Variants in SH2D4B observed in about 807,000 individuals in gnomAD.
SH2D4B encodes the protein SH2 domain-containing protein 4B.
SH2D4B carries 45 observed loss-of-function variants against 61.5 expected under a neutral mutation model. The observed-to-expected ratio is 0.73, with a 90% confidence interval of 0.58 to 0.94. The LOEUF is 0.94. SH2D4B is among the 40% of genes least tolerant of loss of function. SH2D4B has a pLI of 0.00. For missense variants in SH2D4B, 572 were observed against 574.2 expected, an observed-to-expected ratio of 1.00 and a Z score of 0.04; for synonymous variants, 224 against 220.4, an observed-to-expected ratio of 1.02 and a Z score of -0.14.
At chr10:80,617,952 A>C (rs777438867) in intron 6 of SH2D4B, among the ~76,000 whole-genome samples, 7 of 152,222 alleles carry the variant, frequency 4.6e-5, no homozygotes, top group Non-Finnish European at 7.3e-5. Flanking sequence ...CTTCTGGACC[A>C]GTCACTGTGG....
intron 1 of SH2D4B, among the ~76,000 whole-genome samples, chr10:80,554,136 T>G (rs1055907235): frequency 6.6e-6 from 1 of 152,218 alleles, no homozygotes; most frequent in Non-Finnish European, 1.5e-5. Context: ...AGACTGAAGT[T>G]CCAGAAGATT....
chr10:80,564,335 C>T (rs971291785), intron 1 of SH2D4B, among the ~76,000 whole-genome samples: 9 of 152,184 alleles, frequency 5.9e-5, no homozygotes, highest in African/African-American at 2.2e-4. Flanking sequence ...CACCAGAGAC[C>T]TCCATGTTGC....
At chr10:80,567,422 C>A (rs1046878825) in intron 1 of SH2D4B, among the ~76,000 whole-genome samples, 1 of 152,192 alleles carries the variant, frequency 6.6e-6, no homozygotes, top group African/African-American at 2.4e-5. Flanking sequence ...ACACTCACCA[C>A]CTCTTATAGG....
intron 6 of SH2D4B, among the ~76,000 whole-genome samples, chr10:80,615,540 A>G (rs943589500): frequency 2.0e-5 from 3 of 152,098 alleles, no homozygotes; most frequent in Non-Finnish European, 4.4e-5. Context: ...CTCATTCCTG[A>G]CCTTGGCAAT....
chr10:80,549,379 C>T (rs995868017), intron 1 of SH2D4B, among the ~76,000 whole-genome samples: 2 of 152,158 alleles, frequency 1.3e-5, no homozygotes, highest in African/African-American at 4.8e-5. Flanking sequence ...AGGTTTGTGG[C>T]CTTGACATTG....
At chr10:80,544,756 A>G (rs529998515) in intron 1 of SH2D4B, among the ~76,000 whole-genome samples, 6 of 152,220 alleles carry the variant, frequency 3.9e-5, no homozygotes, top group Non-Finnish European at 8.8e-5. Context: ...ATTCCTTCCC[A>G]CAGCAGCTGC....
intron 1 of SH2D4B, among the ~76,000 whole-genome samples, chr10:80,550,630 C>G (rs745764891): frequency 1.1e-4 from 16 of 152,036 alleles, no homozygotes; most frequent in Non-Finnish European, 1.9e-4. Flanking sequence ...ATTTTATGTC[C>G]TACTAAGAAA....
At chr10:80,641,318 C>T (rs1411637286) in intron 7 of SH2D4B, among the ~76,000 whole-genome samples, 1 of 152,222 alleles carries the variant, frequency 6.6e-6, no homozygotes, top group Non-Finnish European at 1.5e-5. Context: ...AGAACCACTG[C>T]TCTCTTCAGA....
At chr10:80,605,918 A>G (rs371833924) in intron 5 of SH2D4B, among the ~76,000 whole-genome samples, 106 of 152,342 alleles carry the variant, frequency 7.0e-4, no homozygotes, top group African/African-American at 2.4e-3. Context: ...GGCCCATTTG[A>G]TGGAGCCACA....
intron 7 of SH2D4B, among the ~76,000 whole-genome samples, chr10:80,640,709 T>C (rs1038028806): frequency 1.3e-5 from 2 of 152,182 alleles, no homozygotes; most frequent in Non-Finnish European, 2.9e-5. Context: ...TTCAAGGTTT[T>C]TAGCTTCCTT....
chr10:80,597,052 TATG>T (rs1425491007), intron 4 of SH2D4B, among the ~76,000 whole-genome samples: 3 of 152,252 alleles, frequency 2.0e-5, no homozygotes, highest in Non-Finnish European at 4.4e-5. Context: ...TTGTATTAAG[TATG>T]ATAAGTAATC....
chr10:80,548,363 T>C (rs1319666835), intron 1 of SH2D4B, among the ~76,000 whole-genome samples: 1 of 152,158 alleles, frequency 6.6e-6, no homozygotes, highest in Non-Finnish European at 1.5e-5. Context: ...GGGGTTTCAC[T>C]ATGTTGCCCA....
chr10:80,615,293 G>A (rs1225590076), intron 6 of SH2D4B, among the ~76,000 whole-genome samples: 1 of 152,252 alleles, frequency 6.6e-6, no homozygotes, highest in Admixed American at 6.5e-5. Context: ...GGACCAGAGA[G>A]CTTGAGAAAC....
intron 4 of SH2D4B, among the ~76,000 whole-genome samples, chr10:80,598,567 A>C (rs543589879): frequency 6.6e-6 from 1 of 152,332 alleles, no homozygotes; most frequent in African/African-American, 2.4e-5. Flanking sequence ...TTTAATATGA[A>C]AGATATAGTG....
intron 1 of SH2D4B, among the ~76,000 whole-genome samples, chr10:80,558,461 A>G (rs908972185): frequency 6.6e-6 from 1 of 151,768 alleles, no homozygotes; most frequent in Non-Finnish European, 1.5e-5. Context: ...TTAATATGCC[A>G]TATAATGATC....
intron 1 of SH2D4B, among the ~76,000 whole-genome samples, chr10:80,553,165 A>G (rs750178814): frequency 6.6e-6 from 1 of 152,172 alleles, no homozygotes; most frequent in African/African-American, 2.4e-5. Flanking sequence ...TGATCCACCC[A>G]CCATGGCCTC....
At chr10:80,627,477 G>A (rs1018713667) in intron 6 of SH2D4B, among the ~76,000 whole-genome samples, 1 of 151,886 alleles carries the variant, frequency 6.6e-6, no homozygotes, top group African/African-American at 2.4e-5. Context: ...TTCCCTCCTT[G>A]CCTTGCCCCC....
At chr10:80,624,952 A>C (rs1842754846) in intron 6 of SH2D4B, among the ~76,000 whole-genome samples, 1 of 152,238 alleles carries the variant, frequency 6.6e-6, no homozygotes, top group Admixed American at 6.5e-5. Flanking sequence ...AAGTGGGAGC[A>C]GCACCAAATC....
intron 1 of SH2D4B, among the ~76,000 whole-genome samples, chr10:80,557,680 T>C (rs1669298593): frequency 6.6e-6 from 1 of 152,178 alleles, no homozygotes; most frequent in African/African-American, 2.4e-5. Flanking sequence ...GTAGGATCTT[T>C]AGTGATGACC....
Sources: gnomAD v4.1 joint callset for allele counts (sites outside exome capture counted in the v4.1 genomes callset) on GRCh38, gnomAD v4.1.1 for gene constraint, MANE v1.5 for transcripts, NCBI Gene and HGNC (gene_info 2026-07-23, HGNC 2026-07-21) for gene names.